ARHGAP24: variants seen among roughly 807,000 people sequenced by gnomAD.
The protein encoded by ARHGAP24 is rho GTPase-activating protein 24.
Under a neutral mutation model 76.4 loss-of-function variants are expected in ARHGAP24, and 50 were observed. The observed-to-expected ratio is 0.65, with a 90% confidence interval of 0.52 to 0.83. The LOEUF (loss-of-function observed/expected upper bound fraction) is 0.83. Ranked by LOEUF, ARHGAP24 falls within the 40% of genes least tolerant of loss-of-function variation. The probability of loss-of-function intolerance (pLI) is 0.00; values close to 1 mark genes in which losing one functional copy is unlikely to be tolerated. For missense variants in ARHGAP24, 930 were observed against 914.2 expected, an observed-to-expected ratio of 1.02 and a Z score of -0.22; for synonymous variants, 345 against 323.3, an observed-to-expected ratio of 1.07 and a Z score of -0.72.
chr4:85,579,355 G>T (rs529074700), intron 2 of ARHGAP24, among the ~76,000 whole-genome samples: 18 of 152,084 alleles, frequency 1.2e-4, no homozygotes, highest in African/African-American at 3.6e-4. Flanking sequence ...AGAAACTTTA[G>T]GGGAAAAAAC....
chr4:85,533,249 TG>T (rs1026882192), intron 1 of ARHGAP24, among the ~76,000 whole-genome samples: 1 of 152,206 alleles, frequency 6.6e-6, no homozygotes, highest in African/African-American at 2.4e-5. Context: ...GACATCATCT[TG>T]AAGGAGGGGA....
At chr4:85,968,741 G>A (rs1353606755) in intron 5 of ARHGAP24, among the ~76,000 whole-genome samples, 3 of 151,914 alleles carry the variant, frequency 2.0e-5, no homozygotes, top group Non-Finnish European at 4.4e-5. Context: ...GGTGAGAAAG[G>A]ACAAAGCAAA....
intron 2 of ARHGAP24, among the ~76,000 whole-genome samples, chr4:85,710,333 TAAC>T (rs2110033934): frequency 6.6e-6 from 1 of 152,178 alleles, no homozygotes; most frequent in East Asian, 1.9e-4. Context: ...CCCTTCCTCA[TAAC>T]ATATACAAAA....
intron 3 of ARHGAP24, among the ~76,000 whole-genome samples, chr4:85,819,790 C>T (rs372537369): frequency 3.3e-5 from 5 of 151,770 alleles, no homozygotes; most frequent in African/African-American, 4.9e-5. Flanking sequence ...CGTGGTGGTA[C>T]GCACCTGTAA....
intron 3 of ARHGAP24, among the ~76,000 whole-genome samples, chr4:85,867,356 T>C (rs942292515): frequency 1.3e-5 from 2 of 152,268 alleles, no homozygotes; most frequent in Middle Eastern, 3.4e-3. Context: ...TGGATTCTAG[T>C]GCGTTTACAC....
chr4:85,645,901 G>A (rs529989365), intron 2 of ARHGAP24, among the ~76,000 whole-genome samples: 1 of 151,940 alleles, frequency 6.6e-6, no homozygotes, highest in Non-Finnish European at 1.5e-5. Flanking sequence ...ATGTCTTAAT[G>A]TTTGATTGTT....
chr4:85,814,830 C>T (rs953176680), intron 3 of ARHGAP24, among the ~76,000 whole-genome samples: 3 of 152,182 alleles, frequency 2.0e-5, no homozygotes, highest in Non-Finnish European at 2.9e-5. Context: ...GGCTCCAACC[C>T]CACATTTCCC....
chr4:85,610,207 G>GC (rs1337075574), intron 2 of ARHGAP24, among the ~76,000 whole-genome samples: 1 of 151,994 alleles, frequency 6.6e-6, no homozygotes, highest in Non-Finnish European at 1.5e-5. Flanking sequence ...CCCTTGGGAA[G>GC]CGGAGGCAGG....
chr4:85,881,233 G>A (rs539988355), intron 3 of ARHGAP24, among the ~76,000 whole-genome samples: 1 of 152,270 alleles, frequency 6.6e-6, no homozygotes, highest in African/African-American at 2.4e-5. Context: ...GGGTGGGATG[G>A]AGCAAGACAG....
chr4:85,819,389 T>A (rs1170301133), intron 3 of ARHGAP24, among the ~76,000 whole-genome samples: 1 of 152,120 alleles, frequency 6.6e-6, no homozygotes, highest in African/African-American at 2.4e-5. Context: ...AGGAAAGTGA[T>A]TTACCCAAGG....
At chr4:85,703,252 A>G (rs756018424) in intron 2 of ARHGAP24, among the ~76,000 whole-genome samples, 9 of 152,096 alleles carry the variant, frequency 5.9e-5, no homozygotes, top group Non-Finnish European at 1.2e-4. Flanking sequence ...CCATTCTACA[A>G]ATATTTTTAG....
chr4:85,589,043 A>G (rs1018492653), intron 2 of ARHGAP24, among the ~76,000 whole-genome samples: 2 of 152,246 alleles, frequency 1.3e-5, no homozygotes, highest in Non-Finnish European at 1.5e-5. Flanking sequence ...AATAAATTGC[A>G]TTGGGCCTCA....
intron 3 of ARHGAP24, among the ~76,000 whole-genome samples, chr4:85,871,610 T>C (rs1732527764): frequency 6.6e-6 from 1 of 152,210 alleles, no homozygotes; most frequent in South Asian, 2.1e-4. Context: ...CCTGCTTACC[T>C]GACCCAAGGG....
chr4:85,621,946 G>A (rs1720732041), intron 2 of ARHGAP24, among the ~76,000 whole-genome samples: 1 of 151,914 alleles, frequency 6.6e-6, no homozygotes, highest in South Asian at 2.1e-4. Flanking sequence ...TTTGTATATG[G>A]TGAGAAATAG....
chr4:85,694,988 G>A (rs1723817070), intron 2 of ARHGAP24, among the ~76,000 whole-genome samples: 1 of 152,080 alleles, frequency 6.6e-6, no homozygotes, highest in Non-Finnish European at 1.5e-5. Flanking sequence ...GCTCAATTAC[G>A]ACAACAACAA....
At chr4:85,772,196 C>G (rs979935312) in intron 3 of ARHGAP24, among the ~76,000 whole-genome samples, 3 of 152,150 alleles carry the variant, frequency 2.0e-5, no homozygotes, top group African/African-American at 7.2e-5. Flanking sequence ...CTATCATCGT[C>G]TTTAGGTCAG....
chr4:85,690,707 C>A (rs908995653), intron 2 of ARHGAP24, among the ~76,000 whole-genome samples: 2 of 145,590 alleles, frequency 1.4e-5, no homozygotes, highest in African/African-American at 2.6e-5. Context: ...CCCATGCCCA[C>A]TCCCCCTTTT....
intron 8 of ARHGAP24, chr4:85,992,195 A>C: frequency 2.5e-6 from 1 of 397,574 alleles, no homozygotes; most frequent in Non-Finnish European, 4.4e-6. Context: ...ATCAAAAGGA[A>C]AAACTGATAG....
intron 2 of ARHGAP24, among the ~76,000 whole-genome samples, chr4:85,653,592 G>C (rs1209153492): frequency 2.0e-5 from 3 of 151,996 alleles, no homozygotes; most frequent in Non-Finnish European, 4.4e-5. Context: ...TCCTTTCTCA[G>C]CCTCCTGAGT....
Sources: allele counts gnomAD v4.1 joint callset (sites outside exome capture counted in the v4.1 genomes callset), GRCh38; gene constraint gnomAD v4.1.1; transcripts MANE v1.5; gene names NCBI Gene and HGNC (gene_info 2026-07-23, HGNC 2026-07-21).